The following MATN2 variants were observed in gnomAD, a reference collection of about 807,000 sequenced individuals.
MATN2 encodes the protein matrilin 2, also known as matrilin-2.
MATN2 carries 69 observed loss-of-function variants against 103.2 expected under a neutral mutation model. The ratio of observed to expected loss-of-function variants is 0.67; its 90% confidence interval spans 0.55 to 0.82. The LOEUF (loss-of-function observed/expected upper bound fraction) is 0.82, where lower values mean the gene tolerates loss of function less well. Among genes scored for constraint, MATN2 ranks in the 40% least tolerant of loss-of-function variants. The pLI, the probability that MATN2 is intolerant of heterozygous loss-of-function variation, is 0.00. For missense variants in MATN2, 1,023 were observed against 1,211.5 expected (o/e 0.84, Z 2.31); for synonymous variants, 429 against 450.2 (o/e 0.95, Z 0.60).
At chr8:98,015,046 T>C (rs1233210118) in intron 10 of MATN2, among the ~76,000 whole-genome samples, 1 of 152,198 alleles carries the variant, frequency 6.6e-6, no homozygotes, top group Non-Finnish European at 1.5e-5. Context: ...TTCACAAACC[T>C]TCTAGTCCCC....
intron 5 of MATN2, among the ~76,000 whole-genome samples, chr8:97,966,462 T>G (rs1586101177): frequency 4.8e-5 from 7 of 145,414 alleles, no homozygotes. Flanking sequence ...GAGGCTGAGG[T>G]GGGAGGGGTG....
intron 6 of MATN2, among the ~76,000 whole-genome samples, chr8:97,988,171 A>AAAAATATAT (rs1252963740): frequency 2.2e-5 from 1 of 46,118 alleles, no homozygotes; most frequent in African/African-American, 1.3e-4. Flanking sequence ...AAAAAAAAAA[A>AAAAATATAT]ATATATATAT....
chr8:97,890,395 G>A (rs1435072272), intron 2 of MATN2, among the ~76,000 whole-genome samples: 1 of 151,752 alleles, frequency 6.6e-6, no homozygotes, highest in African/African-American at 2.4e-5. Flanking sequence ...AACCCAGGAA[G>A]TGGAGGTTGC....
chr8:97,932,855 T>C (rs1276219462), intron 3 of MATN2, among the ~76,000 whole-genome samples: 1 of 152,266 alleles, frequency 6.6e-6, no homozygotes, highest in Admixed American at 6.5e-5. Flanking sequence ...TATCTATTTG[T>C]AAATTATCTA....
At chr8:97,901,588 A>G (rs529846249) in intron 2 of MATN2, among the ~76,000 whole-genome samples, 165 of 152,296 alleles carry the variant, frequency 1.1e-3, no homozygotes, top group African/African-American at 3.9e-3. Context: ...TTGCTTGGGT[A>G]ATCATTGATT....
At chr8:98,025,029 AAGG>A (rs1563733217) in intron 13 of MATN2, 3 of 152,210 alleles carry the variant, frequency 2.0e-5, no homozygotes, top group African/African-American at 4.8e-5. Context: ...TGTGTACAGA[AAGG>A]AGGAGAAAAC....
rs573540371 is a variant in MATN2 at position 97,933,873 on chromosome 8, T to A, written c.712+2351T>A. Among the ~76,000 whole-genome samples the A allele has an allele frequency of 4.0e-3, 615 of 152,226 alleles. 4 individuals are homozygous for A. The highest frequency in any genetic ancestry group is 5.9e-3 in the Non-Finnish European group (398 of 68,012). ...CAGGGCCTCTTTATCAACTTCATGG[T>A]AAAGACTGTAGTAACTAACATTTAT... On this transcript the variant is annotated intron_variant, in intron 3 of 18. Transcript: ENST00000254898.
chr8:98,009,947 C>T (rs117612714), intron 10 of MATN2, among the ~76,000 whole-genome samples: 5,012 of 152,276 alleles, frequency 0.033, 132 homozygotes, highest in Admixed American at 0.041. Flanking sequence ...TGACTGGGAG[C>T]GTGAATGGAC....
At chr8:97,872,839 C>T (rs760438518) in intron 1 of MATN2, among the ~76,000 whole-genome samples, 5 of 151,808 alleles carry the variant, frequency 3.3e-5, no homozygotes, top group Non-Finnish European at 5.9e-5. Context: ...CTATCGCCCA[C>T]GCTAGAGTGC....
At position 97,941,834 on chromosome 8, in the gene MATN2, C is replaced by T. The variant is rs777482059; in HGVS notation, c.770C>T (p.Pro257Leu). 1 of 1,613,204 alleles carries T rather than the reference C, an allele frequency of 6.2e-7. No individual in the cohort carries two copies. The highest frequency in any genetic ancestry group is 8.5e-7 in the Non-Finnish European group (1 of 1,179,510). Residue 257 changes from proline (P) to leucine (L), a missense_variant, in exon 4 of 19, where the codon CCT (proline) becomes CTT (leucine). Coordinates refer to ENST00000254898, the MANE Select transcript of MATN2 (RefSeq NM_002380.5). Reference sequence around the variant, plus strand: ...TGTGCCCACTTCTGCATCAACATCCCTGGCTCATACGTCTGCAGGTGCAAA... The same window carrying T: ...TGTGCCCACTTCTGCATCAACATCCTTGGCTCATACGTCTGCAGGTGCAAA... ...HNCAHFCINIPGSYVCRCKQG... is the reference protein window; with the variant it reads ...HNCAHFCINILGSYVCRCKQG...
rs1234308366 is a variant in MATN2 at position 98,007,773 on chromosome 8, A to G, written c.1573+172A>G. On this transcript the variant is annotated intron_variant, in intron 10 of 18. Coordinates refer to ENST00000254898, the MANE Select transcript of MATN2 (RefSeq NM_002380.5). The surrounding 1 kb of genome is among the most constrained non-coding windows in gnomAD (Gnocchi z 4.2). Reference sequence around the variant, plus strand: ...ATTAAGCCTTGGTGGCTGCTTCACCAACTCCCCTCAATCTTCCTTCCCCCG... The same window carrying G: ...ATTAAGCCTTGGTGGCTGCTTCACCGACTCCCCTCAATCTTCCTTCCCCCG... Among the ~76,000 whole-genome samples the G allele has an allele frequency of 1.3e-5, 2 of 152,042 alleles. No individual in the cohort carries two copies. Among genetic ancestry groups the G allele is most frequent in the African/African-American group, 4.8e-5 (2 of 41,374 alleles).
chr8:98,034,148 G>T (rs1377209457), intron 18 of MATN2: 7 of 455,674 alleles, frequency 1.5e-5, no homozygotes, highest in Non-Finnish European at 3.1e-5. Context: ...GACAGGAGTG[G>T]TTTTTTCTTT....
chr8:97,888,657 T>A (rs1343970083), intron 2 of MATN2, among the ~76,000 whole-genome samples: 1 of 152,142 alleles, frequency 6.6e-6, no homozygotes, highest in Non-Finnish European at 1.5e-5. Flanking sequence ...GGGGACATTG[T>A]GAACTGAATC....
At chr8:97,892,244 A>AG (rs1222716393) in intron 2 of MATN2, among the ~76,000 whole-genome samples, 1 of 151,304 alleles carries the variant, frequency 6.6e-6, no homozygotes, top group Non-Finnish European at 1.5e-5. Context: ...TCAAAAAAAA[A>AG]AAAGAAAGAA....
At chr8:97,944,247 C>T (rs1810670098) in intron 4 of MATN2, among the ~76,000 whole-genome samples, 1 of 152,158 alleles carries the variant, frequency 6.6e-6, no homozygotes, top group South Asian at 2.1e-4. Flanking sequence ...TTCAATGAAC[C>T]GACGAATGAC....
chr8:97,981,086 G>A (rs2130316394), intron 6 of MATN2, among the ~76,000 whole-genome samples: 1 of 151,784 alleles, frequency 6.6e-6, no homozygotes, highest in African/African-American at 2.4e-5. Flanking sequence ...GGAGGCTCAG[G>A]TGGGAAGATC....
intron 13 of MATN2, among the ~76,000 whole-genome samples, chr8:98,021,689 A>G (rs906113128): frequency 1.3e-5 from 2 of 152,030 alleles, no homozygotes; most frequent in African/African-American, 4.8e-5. Context: ...TAAAAAAAAA[A>G]AAAACACAAA....
chr8:97,918,768 T>A (rs1809717457), intron 2 of MATN2, among the ~76,000 whole-genome samples: 1 of 152,162 alleles, frequency 6.6e-6, no homozygotes, highest in South Asian at 2.1e-4. Context: ...CTTGGCCACC[T>A]ACTGGGAGCA....
Position 97,964,253 on chromosome 8 carries a change from C to G in MATN2, c.958+2723C>G, listed in dbSNP as rs116770608. Among the ~76,000 whole-genome samples, 1,262 of 152,236 alleles carry G rather than the reference C, an allele frequency of 8.3e-3. 21 individuals are homozygous for G. Among genetic ancestry groups the G allele is most frequent in the African/African-American group, 0.028 (1,158 of 41,528 alleles). ...AACCTGAGGGCCAGAAGGCGCTTAT[C>G]AAAGATGGAGACTCCAGGTACCAGA... is the stretch of plus-strand genomic sequence containing the variant. On this transcript the variant is annotated intron_variant, in intron 5 of 18. Coordinates refer to ENST00000254898, the MANE Select transcript of MATN2 (RefSeq NM_002380.5).
Sources: gnomAD v4.1 joint callset for allele counts (sites outside exome capture counted in the v4.1 genomes callset) on GRCh38, gnomAD v4.1.1 for gene constraint, Gnocchi (gnomAD v3.1) non-coding constraint, MANE v1.5 for transcripts, NCBI Gene and HGNC (gene_info 2026-07-23, HGNC 2026-07-21) for gene names.